MYO18B: variants seen among roughly 807,000 people sequenced by gnomAD.
MYO18B encodes the protein myosin XVIIIB, also known as unconventional myosin-XVIIIb.
In MYO18B, 204 loss-of-function variants were observed where a neutral mutation model predicts 273.0. The ratio of observed to expected loss-of-function variants is 0.75; its 90% confidence interval spans 0.67 to 0.84. The LOEUF is 0.84. Among genes scored for constraint, MYO18B ranks in the 40% least tolerant of loss-of-function variants. MYO18B has a pLI of 0.00. For missense variants in MYO18B, 3,212 were observed against 3,287.6 expected, an observed-to-expected ratio of 0.98 and a Z score of 0.56; for synonymous variants, 1,330 against 1,305.7, an observed-to-expected ratio of 1.02 and a Z score of -0.40.
intron 25 of MYO18B, among the ~76,000 whole-genome samples, chr22:25,886,612 G>T (rs2091508384): frequency 2.0e-5 from 3 of 152,158 alleles, no homozygotes; most frequent in Admixed American, 2.0e-4. Context: ...CTTGGTCTTT[G>T]ATCTGTACCC....
the MYO18B span, among the ~76,000 whole-genome samples, chr22:26,042,442 G>A: frequency 1.3e-5 from 2 of 152,228 alleles, no homozygotes; most frequent in Admixed American, 6.5e-5. Flanking sequence ...AAGACTGTTT[G>A]GGGGAGCCCA....
At chr22:25,981,003 C>G (rs926654426) in intron 39 of MYO18B, among the ~76,000 whole-genome samples, 1 of 152,212 alleles carries the variant, frequency 6.6e-6, no homozygotes, top group Non-Finnish European at 1.5e-5. Context: ...ATACATCACT[C>G]TAATCCTCAA....
In MYO18B at chr22:25,955,244, C is replaced by T. The variant is rs2092835872; in HGVS notation, c.6036C>T (p.Thr2012=). 5.6e-6 allele frequency: 9 copies of T among 1,613,664 alleles called. No individual in the cohort carries two copies. Among genetic ancestry groups the T allele is most frequent in the Non-Finnish European group, 7.6e-6 (9 of 1,179,818 alleles). Residue 2012 remains threonine (T), a synonymous_variant, in exon 39 of 44, where the codon ACC becomes ACT. Transcript: ENST00000335473. ...GGGAGGAGCTTTCACAGGCGGCCAC[C>T]TCCGAGTCCCAGCAGCGGGAGAGCA... The part of the protein sequence containing the change: ...KMGEELSQAA[T]SESQQRESSQ...
At chr22:25,752,999 G>A (rs1476589960) in intron 1 of MYO18B, among the ~76,000 whole-genome samples, 2 of 152,318 alleles carry the variant, frequency 1.3e-5, no homozygotes, top group African/African-American at 4.8e-5. Flanking sequence ...GCCCGCCCGC[G>A]CTGCGCTCGA....
chr22:25,778,180 G>A (rs1221772817), intron 8 of MYO18B, among the ~76,000 whole-genome samples: 6 of 151,910 alleles, frequency 3.9e-5, no homozygotes, highest in African/African-American at 1.5e-4. Context: ...AGGACTCGAA[G>A]AGTGAAGCTT....
chr22:26,012,145 G>A (rs1934965488), intron 42 of MYO18B, among the ~76,000 whole-genome samples: 1 of 152,152 alleles, frequency 6.6e-6, no homozygotes, highest in Non-Finnish European at 1.5e-5. Flanking sequence ...TTTCAAAGAA[G>A]GGCAATTACT....
chr22:25,866,076 T>C (rs2090876710), intron 21 of MYO18B, among the ~76,000 whole-genome samples: 1 of 147,364 alleles, frequency 6.8e-6, no homozygotes, highest in Non-Finnish European at 1.5e-5. Flanking sequence ...TTAATAAGGA[T>C]TTTTTTTTTG....
Position 26,008,596 on chromosome 22 carries a change from G to T in MYO18B, c.6470+3741G>T, listed in dbSNP as rs530104086. Among the ~76,000 whole-genome samples the T allele has an allele frequency of 5.9e-5, 9 of 152,210 alleles. No homozygotes were observed. In the East Asian group the frequency reaches 1.7e-3, roughly 29 times the overall value. The stretch of plus-strand genomic sequence containing the variant: ...TAAAGCGTTATGATTTACAGCCTAG[G>T]AATCATGCTGCTGCCGCTGATAAGT... On this transcript the variant is annotated intron_variant, in intron 42 of 43. Coordinates refer to ENST00000335473, the MANE Select transcript of MYO18B (RefSeq NM_032608.7).
At chr22:25,821,218 A>G (rs2089266938) in intron 12 of MYO18B, among the ~76,000 whole-genome samples, 1 of 151,768 alleles carries the variant, frequency 6.6e-6, no homozygotes, top group Non-Finnish European at 1.5e-5. Flanking sequence ...CAGTAGTTCT[A>G]TCTATAGTTT....
At chr22:26,055,716 AC>A in the MYO18B span, among the ~76,000 whole-genome samples, 4 of 152,366 alleles carry the variant, frequency 2.6e-5, no homozygotes, top group Admixed American at 2.6e-4. Context: ...CCTTCTGGAA[AC>A]CTTGTGCCCT....
chr22:25,823,810 C>A, intron 13 of MYO18B, 132 bp downstream of exon 13: 1 of 934,274 alleles, frequency 1.1e-6, no homozygotes. Context: ...GTGTTAGATG[C>A]AGGGGAAGCC....
chr22:25,870,265 C>A (rs2091010079), intron 22 of MYO18B, among the ~76,000 whole-genome samples: 1 of 152,196 alleles, frequency 6.6e-6, no homozygotes, highest in African/African-American at 2.4e-5. Context: ...GCAATTTCTT[C>A]ACTGTGGGAA....
At chr22:26,047,005 C>T in the MYO18B span, among the ~76,000 whole-genome samples, 13 of 152,182 alleles carry the variant, frequency 8.5e-5, no homozygotes, top group African/African-American at 2.6e-4. Context: ...TTCCTCCAAC[C>T]GTGGTGGTTG....
chr22:25,887,982 G>A (rs1431039647), intron 25 of MYO18B, among the ~76,000 whole-genome samples: 1 of 152,138 alleles, frequency 6.6e-6, no homozygotes, highest in Non-Finnish European at 1.5e-5. Flanking sequence ...GGTGTTTGGG[G>A]TGTGACCTGG....
chr22:25,950,524 G>C, intron 37 of MYO18B, 74 bp downstream of exon 37: 1 of 623,862 alleles, frequency 1.6e-6, no homozygotes. Flanking sequence ...TAGGATGTGT[G>C]TGTGTGTGTG....
rs761038865 is a variant in MYO18B, at chr22:25,770,830, T to A, written c.1580-42T>A. ...GCCTCTTTCCCCTCTTCCCCTCCCATCTCCTCCCCGTTCCCCTTCTCTCTC... is the reference window on the plus strand; with the variant it reads ...GCCTCTTTCCCCTCTTCCCCTCCCAACTCCTCCCCGTTCCCCTTCTCTCTC... On this transcript the variant is annotated intron_variant, in intron 5 of 43. Coordinates refer to ENST00000335473, the MANE Select transcript of MYO18B (RefSeq NM_032608.7). The A allele has an allele frequency of 7.0e-6, 10 of 1,436,132 alleles. No homozygotes were observed. The African/African-American group carries it at 1.4e-4, about 20-fold the overall frequency. 89.0% of individuals were successfully genotyped at this position (1,436,132 alleles called of 1,614,324 possible). A position where few individuals can be genotyped will look rare whatever the true frequency, so the allele number is the denominator to read the frequency against.
rs150230176 is a variant in MYO18B, at chr22:25,857,294, C to G, written c.3885+5715C>G. On this transcript the variant is annotated intron_variant, in intron 21 of 43. Transcript: ENST00000335473. ...GTCTATCTGATCGATGTGAGGAAAC[C>G]CTTGGGCCTGCCCTCCTCCCCGCAA... Among the ~76,000 whole-genome samples, 1,027 of 152,250 alleles carry G rather than the reference C, an allele frequency of 6.7e-3. 8 individuals carry two copies. Among genetic ancestry groups the G allele is most frequent in the Middle Eastern group, 0.02 (6 of 294 alleles).
intron 34 of MYO18B, among the ~76,000 whole-genome samples, chr22:25,926,738 A>G (rs1006887601): frequency 6.6e-6 from 1 of 152,220 alleles, no homozygotes; most frequent in Non-Finnish European, 1.5e-5. Flanking sequence ...AGGAAATGTC[A>G]AGGTCTCTGC....
chr22:25,952,195 T>G, intron 37 of MYO18B, 91 bp from the exon 38 acceptor site: 1 of 1,448,276 alleles, frequency 6.9e-7, no homozygotes, highest in East Asian at 2.5e-5. Context: ...TGTGAATAGC[T>G]CCTCCCACCC....
Sources: allele counts gnomAD v4.1 joint callset (sites outside exome capture counted in the v4.1 genomes callset), GRCh38; gene constraint gnomAD v4.1.1; transcripts MANE v1.5; gene names NCBI Gene and HGNC (gene_info 2026-07-23, HGNC 2026-07-21).